MINDY2: variants seen among roughly 807,000 people sequenced by gnomAD.
The protein encoded by MINDY2 is ubiquitin carboxyl-terminal hydrolase MINDY-2.
A neutral mutation model predicts 68.2 loss-of-function variants in MINDY2; 52 were observed. That is an observed-to-expected ratio of 0.76 (90% CI 0.61 to 0.96). The LOEUF is 0.96. MINDY2 is among the 40% of genes least tolerant of loss of function. MINDY2 has a pLI of 0.00. For synonymous variants in MINDY2, 372 were observed against 303.0 expected (o/e 1.23, Z -2.36); for missense variants, 881 against 773.4 (o/e 1.14, Z -1.65).
Position 58,771,749 on chromosome 15 carries a change from A to G in MINDY2, c.354A>G (p.Gly118=), listed in dbSNP as rs34805327. The G allele has an allele frequency of 6.2e-4, 1,007 of 1,611,390 alleles. 7 individuals are homozygous for G. The African/African-American group carries it at 0.012, about 19-fold the overall frequency. ...VTASPETAVA[G]VGHELGTAGD... ...CCTCCCCGGAGACAGCCGTGGCCGG[A>G]GTGGGTCATGAGTTGGGTACCGCCG... is the stretch of plus-strand genomic sequence containing the variant. The change falls in exon 1 of 9, where the codon GGA becomes GGG. Residue 118 remains glycine, a synonymous_variant. Transcript: ENST00000559228.
rs539158782 is a variant in MINDY2, at chr15:58,857,907, AAAAATAT to A, written c.*3303_*3309del. 1.8e-4 allele frequency: 27 copies of A among 152,296 alleles called. No individual in the cohort carries two copies. Among genetic ancestry groups the A allele is most frequent in the African/African-American group, 6.0e-4 (25 of 41,560 alleles). The allele number at this position is 152,296 out of a possible 1,614,324, so 9.4% of individuals were successfully genotyped here. ...TTAAGGTTAGTAACCAGTCTTTATT[AAAAATAT>A]AAAATTTTTCTTCATGTCTAATCCC... is the stretch of plus-strand genomic sequence containing the variant. On this transcript the variant is annotated 3_prime_UTR_variant, in exon 9 of 9. Transcript: ENST00000559228.
chr15:58,795,137 C>T (rs1463620850), intron 2 of MINDY2, among the ~76,000 whole-genome samples: 3 of 151,748 alleles, frequency 2.0e-5, no homozygotes, highest in African/African-American at 7.3e-5. Context: ...GATCGCGCTA[C>T]TGCACTCCAG....
At chr15:58,838,581 G>GTTTTTT (rs2032115995) in intron 6 of MINDY2, among the ~76,000 whole-genome samples, 1 of 100,562 alleles carries the variant, frequency 9.9e-6, no homozygotes, top group Non-Finnish European at 1.8e-5. Flanking sequence ...ACTTTTTAGG[G>GTTTTTT]ATTTTTTTTT....
chr15:58,771,325 C>T lies in MINDY2; in HGVS notation c.-71C>T, dbSNP rs1169402319. On this transcript the variant is annotated 5_prime_UTR_variant, in exon 1 of 9. Transcript: ENST00000559228. The stretch of plus-strand genomic sequence containing the variant: ...GCGCTGTTGCTGCCAATACAGCTGT[C>T]ATGGCGTCCAAGGCGCTGGCTGCGG... 5.2e-6 allele frequency: 8 copies of T among 1,540,068 alleles called. No individual in the cohort carries two copies. The highest frequency in any genetic ancestry group is 1.2e-5 in the South Asian group (1 of 83,482).
chr15:58,778,549 A>C (rs1200186492), intron 1 of MINDY2, among the ~76,000 whole-genome samples: 1 of 151,504 alleles, frequency 6.6e-6, no homozygotes, highest in Non-Finnish European at 1.5e-5. Flanking sequence ...AAAAAAAAAA[A>C]CCTCACCATA....
In MINDY2 at chr15:58,849,274, G is replaced by A. The variant is rs569992299; in HGVS notation, c.1542+1804G>A. Among the ~76,000 whole-genome samples, 308 of 151,342 alleles carry A rather than the reference G, an allele frequency of 2.0e-3. 1 individual carries two copies. The highest frequency in any genetic ancestry group is 6.7e-3 in the African/African-American group (276 of 41,268). ...TCGCAGCACTTTGGGAGGCCAAGGC[G>A]GGCCGATCACGAGGTCGGGAGATCA... On this transcript the variant is annotated intron_variant, in intron 7 of 8. Coordinates refer to ENST00000559228, the MANE Select transcript of MINDY2 (RefSeq NM_001040450.3).
chr15:58,796,118 G>C (rs1256003189), intron 2 of MINDY2: 1 of 455,920 alleles, frequency 2.2e-6, no homozygotes, highest in Non-Finnish European at 4.4e-6. Context: ...GGAGCCTCAA[G>C]GGCAGAAAAC....
intron 7 of MINDY2, among the ~76,000 whole-genome samples, chr15:58,848,216 A>G (rs558087172): frequency 6.6e-6 from 1 of 152,244 alleles, no homozygotes; most frequent in African/African-American, 2.4e-5. Context: ...GTCATGTTAA[A>G]CAGTTGACAT....
intron 4 of MINDY2, among the ~76,000 whole-genome samples, chr15:58,812,484 A>G (rs992957012): frequency 2.0e-5 from 3 of 152,076 alleles, no homozygotes; most frequent in Admixed American, 6.6e-5. Context: ...CATACCTTTT[A>G]CCCAGTTTTC....
Position 58,772,108 on chromosome 15 carries a change from CG to C in MINDY2, c.716del (p.Gly239AspfsTer43), listed in dbSNP as rs1177947530. The C allele has an allele frequency of 6.2e-7, 1 of 1,613,756 alleles. No homozygotes were observed. The highest frequency in any genetic ancestry group is 8.5e-7 in the Non-Finnish European group (1 of 1,179,874). ...QVLAASKERF[P>X]GQSVYHIKWI... ...CTGGCGGCCTCCAAGGAACGCTTCCCGGGACAATCTGTGTATCACATCAAGT... is the reference window on the plus strand; with the variant it reads ...CTGGCGGCCTCCAAGGAACGCTTCCCGGACAATCTGTGTATCACATCAAGT... On this transcript the variant is annotated frameshift_variant, in exon 1 of 9. Transcript: ENST00000559228. LOFTEE classifies it high-confidence loss of function.
chr15:58,793,270 G>A (rs764512075), intron 2 of MINDY2, among the ~76,000 whole-genome samples: 10 of 151,980 alleles, frequency 6.6e-5, no homozygotes, highest in Non-Finnish European at 1.3e-4. Context: ...GGGCAACATG[G>A]CAAAACCCCG....
chr15:58,849,976 A>G (rs1324641448), intron 7 of MINDY2, among the ~76,000 whole-genome samples: 1 of 152,112 alleles, frequency 6.6e-6, no homozygotes, highest in Non-Finnish European at 1.5e-5. Flanking sequence ...GGCTCAAGTG[A>G]TGTGCCCGCC....
At chr15:58,839,452 C>T (rs1181829716) in intron 6 of MINDY2, among the ~76,000 whole-genome samples, 1 of 152,066 alleles carries the variant, frequency 6.6e-6, no homozygotes, top group African/African-American at 2.4e-5. Context: ...CTGCCTCAGC[C>T]CCCGGAGTAG....
rs376901688 is a variant in MINDY2 at position 58,810,430 on chromosome 15, A to G, written c.1122+42A>G. On this transcript the variant is annotated intron_variant, in intron 4 of 8. Coordinates refer to ENST00000559228, the MANE Select transcript of MINDY2 (RefSeq NM_001040450.3). The stretch of plus-strand genomic sequence containing the variant: ...AAATTATGTAAACACAAATACAGGA[A>G]AAATGTATTAATTTGGCAAATTAAT... The G allele has an allele frequency of 4.2e-5, 62 of 1,459,174 alleles. 1 individual carries two copies. In the African/African-American group the frequency reaches 7.1e-4, roughly 17 times the overall value. 90.4% of individuals were successfully genotyped at this position (1,459,174 alleles called of 1,614,324 possible).
In MINDY2 at chr15:58,827,106, G is replaced by A. The variant is rs562713624; in HGVS notation, c.1226-4668G>A. ...CGTAGGTGACATTGTGTCTTTCCCA[G>A]TGCATCAAATCGGGGGCACATGAGC... On this transcript the variant is annotated intron_variant, in intron 5 of 8. Coordinates refer to ENST00000559228, the MANE Select transcript of MINDY2 (RefSeq NM_001040450.3). Among the ~76,000 whole-genome samples the A allele has an allele frequency of 3.3e-5, 5 of 152,294 alleles. No homozygotes were observed. In the South Asian group the frequency reaches 1.0e-3, roughly 32 times the overall value.
chr15:58,791,215 T>TATATATATA (rs1901872070), intron 2 of MINDY2, among the ~76,000 whole-genome samples: 5 of 79,584 alleles, frequency 6.3e-5, no homozygotes, highest in Admixed American at 1.4e-4. Flanking sequence ...GAAAGCAATT[T>TATATATATA]TATATATATA....
chr15:58,856,764 T>C lies in MINDY2; in HGVS notation c.*2154T>C, dbSNP rs2033073154. Reference sequence around the variant, plus strand: ...GACAGATAGTAGTGATAGTGCATTATATTTGAATAAGAAAAACAAACCAGT... The same window carrying C: ...GACAGATAGTAGTGATAGTGCATTACATTTGAATAAGAAAAACAAACCAGT... On this transcript the variant is annotated 3_prime_UTR_variant, in exon 9 of 9. Transcript: ENST00000559228. 1 of 152,258 alleles carries C rather than the reference T, an allele frequency of 6.6e-6. No homozygotes were observed. 9.4% of individuals were successfully genotyped at this position (152,258 alleles called of 1,614,324 possible).
intron 4 of MINDY2, among the ~76,000 whole-genome samples, chr15:58,819,882 C>T (rs1567060635): frequency 1.3e-5 from 2 of 152,052 alleles, no homozygotes. Flanking sequence ...GAATCTTATC[C>T]CAAGGATCCT....
chr15:58,783,676 G>A (rs1300951094), intron 1 of MINDY2, among the ~76,000 whole-genome samples: 5 of 152,146 alleles, frequency 3.3e-5, no homozygotes, highest in Admixed American at 6.5e-5. Context: ...GCTTACACCC[G>A]TAATCCCAGC....
Sources: gnomAD v4.1 joint callset for allele counts (sites outside exome capture counted in the v4.1 genomes callset) on GRCh38, gnomAD v4.1.1 for gene constraint, MANE v1.5 for transcripts, NCBI Gene and HGNC (gene_info 2026-07-23, HGNC 2026-07-21) for gene names.